GCNT1: variants seen among roughly 807,000 people sequenced by gnomAD.
GCNT1 encodes glucosaminyl (N-acetyl) transferase 1, also known as beta-1,3-galactosyl-O-glycosyl-glycoprotein beta-1,6-N-acetylglucosaminyltransferase.
In GCNT1, 16 loss-of-function variants were observed where a neutral mutation model predicts 26.2. The observed-to-expected ratio is 0.61, with a 90% CI of 0.41 to 0.93. The LOEUF (loss-of-function observed/expected upper bound fraction) is 0.93, where lower values mean the gene tolerates loss of function less well. GCNT1 is among the 40% of genes least tolerant of loss of function. The probability of loss-of-function intolerance (pLI) is 0.00; values close to 1 mark genes in which losing one functional copy is unlikely to be tolerated. For missense variants in GCNT1, 477 were observed against 526.7 expected, an observed-to-expected ratio of 0.91 and a Z score of 0.92; for synonymous variants, 183 against 190.8, an observed-to-expected ratio of 0.96 and a Z score of 0.34.
At chr9:76,456,611 C>G (rs73650223), upstream of GCNT1, among the ~76,000 whole-genome samples, 404 of 152,306 alleles carry the variant, frequency 2.7e-3, 2 homozygotes, top group African/African-American at 9.3e-3. Context: ...CTGATACACC[C>G]CTAAGCATTC....
At chr9:76,455,661 G>A (rs1483092655), upstream of GCNT1, among the ~76,000 whole-genome samples, 1 of 152,066 alleles carries the variant, frequency 6.6e-6, no homozygotes, top group African/African-American at 2.4e-5. Context: ...GAGTGCAGTG[G>A]CATGATCTTG....
chr9:76,433,309 G>C (rs375489874), intron 1 of GCNT1, among the ~76,000 whole-genome samples: 5 of 152,190 alleles, frequency 3.3e-5, no homozygotes, highest in East Asian at 1.9e-4. Context: ...GGGCTGGAGT[G>C]GGGCAATGGG....
At chr9:76,463,052 G>C (rs571204929) in intron 2 of GCNT1, among the ~76,000 whole-genome samples, 27 of 152,258 alleles carry the variant, frequency 1.8e-4, no homozygotes, top group Non-Finnish European at 2.6e-4. Flanking sequence ...CTTTCTCAAA[G>C]GGAGCGCTAC....
chr9:76,502,313 G>T lies in GCNT1; in HGVS notation c.-69G>T. ...GACAACCTTCAAGGCCACGACGGAG[G>T]GAAAATCATTGGTGCTTGGAGCATA... is the stretch of plus-strand genomic sequence containing the variant. On this transcript the variant is annotated 5_prime_UTR_variant, in exon 4 of 4. Transcript: ENST00000376730. 9.0e-7 allele frequency: 1 copy of T among 1,107,544 alleles called. No individual in the cohort carries two copies. Among genetic ancestry groups the T allele is most frequent in the Non-Finnish European group, 1.3e-6 (1 of 759,484 alleles). The allele number at this position is 1,107,544 out of a possible 1,614,324, so 68.6% of individuals were successfully genotyped here. A position where few individuals can be genotyped will look rare whatever the true frequency, so the allele number is the denominator to read the frequency against.
At chr9:76,485,496 CTTAT>C (rs1824549222) in intron 2 of GCNT1, among the ~76,000 whole-genome samples, 1 of 152,082 alleles carries the variant, frequency 6.6e-6, no homozygotes, top group African/African-American at 2.4e-5. Context: ...CTGCATTTTA[CTTAT>C]TTAATTCTGA....
exon 1 of GCNT1, chr9:76,442,164 G>A (rs908306624): frequency 1.5e-4 from 23 of 152,282 alleles, no homozygotes; most frequent in African/African-American, 5.3e-4. Flanking sequence ...GCCGGAGGAA[G>A]GCCCACAGTC....
rs113544480 is a variant in GCNT1 at position 76,435,063 on chromosome 9, T to C, written n.38+15176T>C. Among the ~76,000 whole-genome samples, 13 of 152,340 alleles carry C rather than the reference T, an allele frequency of 8.5e-5. No individual in the cohort carries two copies. In the South Asian group the frequency reaches 1.0e-3, roughly 12 times the overall value. ...AGACCGTCATCAGTAATTCTAATTT[T>C]GACCTTTGCCTTGTGATCTTTGCTT... On this transcript the variant is annotated intron_variant and non_coding_transcript_variant, in intron 1 of 3. Coordinates refer to the GCNT1 transcript ENST00000488136.
intron 2 of GCNT1, among the ~76,000 whole-genome samples, chr9:76,474,933 G>A (rs1443778960): frequency 6.6e-6 from 1 of 152,142 alleles, no homozygotes; most frequent in South Asian, 2.1e-4. Flanking sequence ...TTTATCTGGA[G>A]GCTGGTTTTT....
At chr9:76,488,769 C>T (rs1270167189) in intron 2 of GCNT1, among the ~76,000 whole-genome samples, 2 of 152,212 alleles carry the variant, frequency 1.3e-5, no homozygotes, top group African/African-American at 2.4e-5. Context: ...CAGGCCTGAG[C>T]CACTGTGCCC....
At chr9:76,485,426 G>A (rs934782762) in intron 2 of GCNT1, among the ~76,000 whole-genome samples, 7 of 152,078 alleles carry the variant, frequency 4.6e-5, no homozygotes, top group East Asian at 1.9e-4. Flanking sequence ...AGCTTGCCTC[G>A]GCCTCCCAAA....
chr9:76,471,075 G>C (rs1268840869), intron 2 of GCNT1, among the ~76,000 whole-genome samples: 1 of 152,166 alleles, frequency 6.6e-6, no homozygotes, highest in Non-Finnish European at 1.5e-5. Context: ...TATTCACCTT[G>C]TGAGGATCTG....
At chr9:76,499,230 C>T (rs1824994683) in intron 2 of GCNT1, among the ~76,000 whole-genome samples, 1 of 152,050 alleles carries the variant, frequency 6.6e-6, no homozygotes, top group Non-Finnish European at 1.5e-5. Flanking sequence ...CAAGTTCAAG[C>T]GATTCTCCTG....
chr9:76,495,110 G>A (rs1824869003), intron 2 of GCNT1, among the ~76,000 whole-genome samples: 2 of 152,196 alleles, frequency 1.3e-5, no homozygotes, highest in African/African-American at 2.4e-5. Context: ...GGACAGAATA[G>A]CAAGCGAAAG....
At chr9:76,488,397 ATGTTT>A (rs1475428779) in intron 2 of GCNT1, among the ~76,000 whole-genome samples, 2 of 151,534 alleles carry the variant, frequency 1.3e-5, no homozygotes, top group South Asian at 2.1e-4. Context: ...AAATTACTGT[ATGTTT>A]TGTTTTATTT....
intron 1 of GCNT1, among the ~76,000 whole-genome samples, chr9:76,420,407 G>A (rs1175249160): frequency 4.0e-5 from 6 of 151,876 alleles, no homozygotes; most frequent in East Asian, 3.9e-4. Flanking sequence ...CCGAGAAGCC[G>A]GGATTACAGA....
At chr9:76,442,796 TATTC>T (rs1823501577) in intron 1 of GCNT1, among the ~76,000 whole-genome samples, 1 of 149,758 alleles carries the variant, frequency 6.7e-6, no homozygotes, top group Admixed American at 6.7e-5. Flanking sequence ...GAAGATAAAG[TATTC>T]ATTCATTTAT....
intron 1 of GCNT1, among the ~76,000 whole-genome samples, chr9:76,450,927 G>T (rs1024465755): frequency 1.3e-5 from 2 of 152,108 alleles, no homozygotes; most frequent in Non-Finnish European, 2.9e-5. Flanking sequence ...TCTGAGAAAT[G>T]CTGCCTGCTC....
intron 2 of GCNT1, among the ~76,000 whole-genome samples, chr9:76,463,601 T>C (rs1337149261): frequency 6.6e-6 from 1 of 152,224 alleles, no homozygotes; most frequent in Non-Finnish European, 1.5e-5. Flanking sequence ...TGTTTGTTCA[T>C]TAGAGTCATG....
Position 76,503,204 on chromosome 9 carries a change from C to G in GCNT1, c.823C>G (p.Leu275Val). The G allele has an allele frequency of 6.2e-7, 1 of 1,614,182 alleles. No homozygotes were observed. Among genetic ancestry groups the G allele is most frequent in the Non-Finnish European group, 8.5e-7 (1 of 1,180,014 alleles). ...KLTNTGTVKM[L>V]PPLETPLFSG... ...GACAAACACAGGGACTGTCAAAATG[C>G]TTCCTCCACTCGAAACACCTCTCTT... Residue 275 changes from leucine (L) to valine (V), a missense_variant, in exon 4 of 4, where the codon CTT becomes GTT. Coordinates refer to ENST00000376730, the MANE Select transcript of GCNT1 (RefSeq NM_001490.5).
Sources: allele counts gnomAD v4.1 joint callset (sites outside exome capture counted in the v4.1 genomes callset), GRCh38; gene constraint gnomAD v4.1.1; transcripts MANE v1.5; gene names NCBI Gene and HGNC (gene_info 2026-07-23, HGNC 2026-07-21).